The following SLC11A1 variants were observed in gnomAD, a reference collection of about 807,000 sequenced individuals.
The protein encoded by SLC11A1 is natural resistance-associated macrophage protein 1.
In SLC11A1, 59 loss-of-function variants were observed where a neutral mutation model predicts 63.2. The ratio of observed to expected loss-of-function variants is 0.93; its 90% CI spans 0.76 to 1.16. The LOEUF is 1.16. Ranked by LOEUF, SLC11A1 falls within the 50% of genes most tolerant of loss-of-function variation. The probability of loss-of-function intolerance (pLI) is 0.00; values close to 1 mark genes in which losing one functional copy is unlikely to be tolerated. For missense variants in SLC11A1, 688 were observed against 730.7 expected, an observed-to-expected ratio of 0.94 and a Z score of 0.67; for synonymous variants, 305 against 307.8, an observed-to-expected ratio of 0.99 and a Z score of 0.09.
At chr2:218,390,579 G>A (rs1696370503) in intron 9 of SLC11A1, among the ~76,000 whole-genome samples, 1 of 152,174 alleles carries the variant, frequency 6.6e-6, no homozygotes, top group Non-Finnish European at 1.5e-5. Context: ...GTGGGAGAAG[G>A]GGTGGCCAGG....
rs757613611 is a variant in SLC11A1 at position 218,395,040 on chromosome 2, A to G, written c.*5A>G. On this transcript the variant is annotated 3_prime_UTR_variant, in exon 15 of 15. Coordinates refer to ENST00000233202, the MANE Select transcript of SLC11A1 (RefSeq NM_000578.4). Reference sequence around the variant, plus strand: ...AAAGGGGAGACCTCTGGCTAGGCCCACACCAGGGCCTGGCTGGGAGTGGCA... The same window carrying G: ...AAAGGGGAGACCTCTGGCTAGGCCCGCACCAGGGCCTGGCTGGGAGTGGCA... 6.3e-7 allele frequency: 1 copy of G among 1,582,048 alleles called. No homozygotes were observed. Among genetic ancestry groups the G allele is most frequent in the Non-Finnish European group, 8.6e-7 (1 of 1,158,926 alleles).
rs544651365 is a variant in SLC11A1 at position 218,395,383 on chromosome 2, C to T, written c.*348C>T. 17 of 230,534 alleles carry T rather than the reference C, an allele frequency of 7.4e-5. No individual in the cohort carries two copies. The East Asian group carries it at 1.8e-3, about 24-fold the overall frequency. The allele number at this position is 230,534 out of a possible 1,614,324, so 14.3% of individuals were successfully genotyped here. On this transcript the variant is annotated 3_prime_UTR_variant, in exon 15 of 15. Coordinates refer to ENST00000233202, the MANE Select transcript of SLC11A1 (RefSeq NM_000578.4). Reference sequence around the variant, plus strand: ...AGCCCAAGGGTGGGTGGGGTGAGGGCTTGAGGACTTGGGCGGGACACAGGC... The same window carrying T: ...AGCCCAAGGGTGGGTGGGGTGAGGGTTTGAGGACTTGGGCGGGACACAGGC...
At chr2:218,387,459 C>A in intron 6 of SLC11A1, 106 bp from the exon 7 acceptor site, 2 of 1,149,396 alleles carry the variant, frequency 1.7e-6, no homozygotes, top group Non-Finnish European at 2.6e-6. Context: ...ATATGTTAAG[C>A]ACTTGGCACT....
chr2:218,384,527 G>A lies in SLC11A1; in HGVS notation c.273+162G>A. ...CCCCAGGGCAGCCCTGCCAGAAGGT[G>A]GGGCATTTGTGTGGGGGGTAGGGGA... On this transcript the variant is annotated intron_variant, in intron 3 of 14. Transcript: ENST00000233202. This position sits in a 1 kb window ranked among gnomAD's most constrained non-coding sequence, Gnocchi z 4.0. 1.6e-6 allele frequency: 1 copy of A among 621,528 alleles called. No homozygotes were observed. The highest frequency in any genetic ancestry group is 2.5e-6 in the Non-Finnish European group (1 of 392,508). 38.5% of individuals were successfully genotyped at this position (621,528 alleles called of 1,614,324 possible).
At chr2:218,386,303 C>T (rs1285705849) in intron 4 of SLC11A1, among the ~76,000 whole-genome samples, 1 of 151,988 alleles carries the variant, frequency 6.6e-6, no homozygotes, top group Admixed American at 6.6e-5. Context: ...AAATACAAAA[C>T]TAGCCGGGCA....
In SLC11A1 at chr2:218,392,996, C is replaced by A. The variant is rs372038044; in HGVS notation, c.1180C>A (p.Arg394=). Residue 394 remains arginine, a synonymous_variant, in exon 12 of 15, where the codon CGG becomes AGG. Coordinates refer to ENST00000233202, the MANE Select transcript of SLC11A1 (RefSeq NM_000578.4). The part of the protein sequence containing the change: ...QFVMEGFLRL[R]WSRFARVLLT... The stretch of plus-strand genomic sequence containing the variant: ...CCCACCCCAGGGCTTCCTGAGGCTG[C>A]GGTGGTCACGCTTCGCCCGTGTCCT... The A allele has an allele frequency of 6.3e-7, 1 of 1,592,154 alleles. No homozygotes were observed. Among genetic ancestry groups the A allele is most frequent in the Non-Finnish European group, 8.5e-7 (1 of 1,172,410 alleles).
At chr2:218,390,295 T>C (rs1574773148) in intron 9 of SLC11A1, among the ~76,000 whole-genome samples, 1 of 147,816 alleles carries the variant, frequency 6.8e-6, no homozygotes, top group Non-Finnish European at 1.5e-5. Context: ...CAGACAGGAA[T>C]GAATACCCAA....
In SLC11A1 at chr2:218,395,293, C is replaced by T. The variant is rs200615355; in HGVS notation, c.*258C>T. 4 of 407,798 alleles carry T rather than the reference C, an allele frequency of 9.8e-6. No individual in the cohort carries two copies. The highest frequency in any genetic ancestry group is 8.8e-5 in the Admixed American group (2 of 22,790). The allele number at this position is 407,798 out of a possible 1,614,324, so 25.3% of individuals were successfully genotyped here. On this transcript the variant is annotated 3_prime_UTR_variant, in exon 15 of 15. Coordinates refer to ENST00000233202, the MANE Select transcript of SLC11A1 (RefSeq NM_000578.4). ...TTAACACAGTGTCTGGCACTTGGGA[C>T]AAAAACAAACAAACGAAAAACATTT...
chr2:218,382,520 C>G, intron 1 of SLC11A1, 145 bp downstream of exon 1: 3 of 787,906 alleles, frequency 3.8e-6, no homozygotes, highest in Non-Finnish European at 6.3e-6. Context: ...GTCTAGAACA[C>G]AGTTCTGGAC....
chr2:218,393,724 C>T (rs796689759), intron 12 of SLC11A1, among the ~76,000 whole-genome samples: 2 of 151,980 alleles, frequency 1.3e-5, no homozygotes, highest in South Asian at 2.1e-4. Context: ...GTGATCCACC[C>T]GCCTTGGCCT....
At chr2:218,394,064 C>G (rs2106339384) in intron 12 of SLC11A1, 56 bp from the exon 13 acceptor site, 2 of 1,591,208 alleles carry the variant, frequency 1.3e-6, no homozygotes, top group African/African-American at 1.3e-5. Flanking sequence ...TTGCCCCCAC[C>G]CTTGCCATAT....
In SLC11A1 at chr2:218,395,652, C is replaced by T. The variant is rs532324943; in HGVS notation, c.*617C>T. On this transcript the variant is annotated 3_prime_UTR_variant, in exon 15 of 15. Transcript: ENST00000233202. ...TATTTTCAGCAGAGACGGGGTTTGCCATGCTGGCCAGGCTGGTCTCGAACT... is the reference window on the plus strand; with the variant it reads ...TATTTTCAGCAGAGACGGGGTTTGCTATGCTGGCCAGGCTGGTCTCGAACT... 3.1e-4 allele frequency: 48 copies of T among 152,486 alleles called. No homozygotes were observed. The highest frequency in any genetic ancestry group is 4.1e-4 in the Non-Finnish European group (28 of 68,192). 9.4% of individuals were successfully genotyped at this position (152,486 alleles called of 1,614,324 possible).
In SLC11A1 at chr2:218,387,212, C is replaced by A; in HGVS notation, c.553C>A (p.Leu185Ile). 6.2e-7 allele frequency: 1 copy of A among 1,613,876 alleles called. No homozygotes were observed. The highest frequency in any genetic ancestry group is 8.5e-7 in the Non-Finnish European group (1 of 1,179,862). The stretch of plus-strand genomic sequence containing the variant: ...CACCATCGTGGACACCTTCTTCTTC[C>A]TCTTCCTCGATAACTACGGTGGGTG... Reference protein sequence around the residue: ...LITIVDTFFFLFLDNYGLRKL... With the variant: ...LITIVDTFFFIFLDNYGLRKL... The change falls in exon 6 of 15, where the codon CTC (leucine) becomes ATC (isoleucine). Residue 185 changes from leucine to isoleucine, a missense_variant. By Grantham distance (5) the Leu-to-Ile change is conservative (BLOSUM62 2). Coordinates refer to ENST00000233202, the MANE Select transcript of SLC11A1 (RefSeq NM_000578.4).
chr2:218,391,433 C>G lies in SLC11A1; in HGVS notation c.1102C>G (p.Leu368Val). Residue 368 changes from leucine to valine, a missense_variant, in exon 11 of 15, where the codon CTC (leucine) becomes GTC (valine). Leu to Val is a conservative substitution (Grantham distance 32). Coordinates refer to ENST00000233202, the MANE Select transcript of SLC11A1 (RefSeq NM_000578.4). Reference sequence around the variant, plus strand: ...GGCCCTCTACATCTGGGCCATAGGTCTCCTGGCGGCTGGGCAGAGCTCCAC... The same window carrying G: ...GGCCCTCTACATCTGGGCCATAGGTGTCCTGGCGGCTGGGCAGAGCTCCAC... Reference protein sequence around the residue: ...PAALYIWAIGLLAAGQSSTMT... With the variant: ...PAALYIWAIGVLAAGQSSTMT... 1 of 1,613,662 alleles carries G rather than the reference C, an allele frequency of 6.2e-7. No homozygotes were observed. Among genetic ancestry groups the G allele is most frequent in the African/African-American group, 1.3e-5 (1 of 75,044 alleles).
chr2:218,385,325 T>G, intron 4 of SLC11A1, 59 bp downstream of exon 4: 3 of 1,610,008 alleles, frequency 1.9e-6, no homozygotes, highest in Non-Finnish European at 2.5e-6. Flanking sequence ...AACAGCCATT[T>G]TCAGCTTCCA....
Position 218,394,887 on chromosome 2 carries a change from C to T in SLC11A1, c.1543-38C>T, listed in dbSNP as rs760384587. On this transcript the variant is annotated intron_variant, in intron 14 of 14. Coordinates refer to ENST00000233202, the MANE Select transcript of SLC11A1 (RefSeq NM_000578.4). Reference sequence around the variant, plus strand: ...GACACAATGGGGCTTCCCCAGAGGTCTTGGCATCTCCCCAATTCATGGTTG... The same window carrying T: ...GACACAATGGGGCTTCCCCAGAGGTTTTGGCATCTCCCCAATTCATGGTTG... The T allele has an allele frequency of 3.1e-6, 5 of 1,606,524 alleles. No individual in the cohort carries two copies. In the East Asian group the frequency reaches 6.7e-5, roughly 22 times the overall value.
chr2:218,391,725 A>C (rs1696466578), intron 11 of SLC11A1: 1 of 485,194 alleles, frequency 2.1e-6, no homozygotes, highest in East Asian at 4.0e-5. Flanking sequence ...CCCAGGTTCA[A>C]GCTTCTCCTG....
Position 218,387,786 on chromosome 2 carries a change from G to A in SLC11A1, c.640-14G>A. 6.2e-7 allele frequency: 1 copy of A among 1,610,436 alleles called. No homozygotes were observed. The highest frequency in any genetic ancestry group is 8.5e-7 in the Non-Finnish European group (1 of 1,178,844). The stretch of plus-strand genomic sequence containing the variant: ...GAGGGGCGGGGCTTGTCCTGACCAG[G>A]CTCCTCCCTGCAGTATGTGGTGGCG... On this transcript the variant is annotated splice_polypyrimidine_tract_variant and intron_variant, in intron 7 of 14. Coordinates refer to ENST00000233202, the MANE Select transcript of SLC11A1 (RefSeq NM_000578.4).
At chr2:218,388,708 A>G (rs1003456640) in intron 8 of SLC11A1, among the ~76,000 whole-genome samples, 11 of 152,194 alleles carry the variant, frequency 7.2e-5, no homozygotes, top group African/African-American at 2.7e-4. Context: ...AGGCTGAGGC[A>G]GGAGAATCGC....
Sources: allele counts gnomAD v4.1 joint callset (sites outside exome capture counted in the v4.1 genomes callset), GRCh38; gene constraint gnomAD v4.1.1; non-coding constraint Gnocchi (gnomAD v3.1); transcripts MANE v1.5; gene names NCBI Gene and HGNC (gene_info 2026-07-23, HGNC 2026-07-21).